The following NLK variants were observed in gnomAD, a reference collection of about 807,000 sequenced individuals.
NLK encodes the protein serine/threonine-protein kinase NLK.
In NLK, 11 loss-of-function variants were observed where a neutral mutation model predicts 59.0. The ratio of observed to expected loss-of-function variants is 0.19; its 90% CI spans 0.12 to 0.31. The LOEUF is 0.31. Ranked by LOEUF, NLK falls within the 10% of genes least tolerant of loss-of-function variation. The pLI, the probability that NLK is intolerant of heterozygous loss-of-function variation, is 1.00. For missense variants in NLK, 410 were observed against 661.1 expected, an observed-to-expected ratio of 0.62 and a Z score of 4.16; for synonymous variants, 235 against 235.9, an observed-to-expected ratio of 1.00 and a Z score of 0.03.
At chr17:28,178,444 A>G (rs561828238) in intron 7 of NLK, among the ~76,000 whole-genome samples, 1 of 152,292 alleles carries the variant, frequency 6.6e-6, no homozygotes, top group East Asian at 1.9e-4. Context: ...CTTTTCTACA[A>G]CTCAAAATCT....
At chr17:28,132,365 C>G (rs1053038273) in intron 2 of NLK, among the ~76,000 whole-genome samples, 1 of 152,158 alleles carries the variant, frequency 6.6e-6, no homozygotes, top group Non-Finnish European at 1.5e-5. Context: ...CAAAAACTCT[C>G]TCCTGTGCAG....
chr17:28,194,519 G>A, intron 10 of NLK, 63 bp from the exon 11 acceptor site: 1 of 1,187,758 alleles, frequency 8.4e-7, no homozygotes, highest in South Asian at 1.4e-5. Flanking sequence ...ACAGGAAGTA[G>A]TGAATTACCC....
intron 7 of NLK, 90 bp downstream of exon 7, chr17:28,172,708 A>C (rs1474060495): frequency 9.6e-6 from 6 of 623,812 alleles, no homozygotes; most frequent in Non-Finnish European, 1.5e-5. Context: ...ATTTTTAAGC[A>C]AATGTATTAT....
At chr17:28,091,622 A>G (rs1243022900) in intron 1 of NLK, among the ~76,000 whole-genome samples, 2 of 152,164 alleles carry the variant, frequency 1.3e-5, no homozygotes, top group Admixed American at 6.6e-5. Context: ...CTACCAAATA[A>G]AAGTTATTCC....
intron 2 of NLK, among the ~76,000 whole-genome samples, chr17:28,125,919 G>A (rs1451785947): frequency 6.6e-6 from 1 of 152,160 alleles, no homozygotes; most frequent in Admixed American, 6.5e-5. Flanking sequence ...GATAGGGCTT[G>A]TTAACCTTAC....
At chr17:28,062,283 G>A (rs1909688620) in intron 1 of NLK, among the ~76,000 whole-genome samples, 1 of 152,090 alleles carries the variant, frequency 6.6e-6, no homozygotes, top group African/African-American at 2.4e-5. Flanking sequence ...GATCAAAAGA[G>A]TTCTGTGTCT....
intron 3 of NLK, among the ~76,000 whole-genome samples, chr17:28,137,708 T>A (rs1906815630): frequency 6.6e-6 from 1 of 152,076 alleles, no homozygotes; most frequent in African/African-American, 2.4e-5. Context: ...CACCAAAAAT[T>A]TAGTGTGGGT....
chr17:28,133,268 T>A (rs763120245), intron 3 of NLK, among the ~76,000 whole-genome samples: 1 of 152,174 alleles, frequency 6.6e-6, no homozygotes, highest in Non-Finnish European at 1.5e-5. Context: ...ATTATTCCCA[T>A]GTTACAGAAG....
At chr17:28,189,674 G>A (rs1196004684) in intron 8 of NLK, among the ~76,000 whole-genome samples, 1 of 152,156 alleles carries the variant, frequency 6.6e-6, no homozygotes, top group African/African-American at 2.4e-5. Context: ...TGTTCCTTTG[G>A]GTTCAAACAG....
intron 4 of NLK, among the ~76,000 whole-genome samples, chr17:28,162,806 C>T (rs954010700): frequency 6.6e-6 from 1 of 152,048 alleles, no homozygotes; most frequent in African/African-American, 2.4e-5. Flanking sequence ...GTAGTTCCCA[C>T]TTCTCAGGAG....
intron 1 of NLK, among the ~76,000 whole-genome samples, chr17:28,113,196 G>A (rs761798111): frequency 2.0e-5 from 3 of 151,962 alleles, no homozygotes; most frequent in Non-Finnish European, 4.4e-5. Context: ...ATAACTCAAT[G>A]GTGTATCACA....
At position 28,098,057 on chromosome 17, in the gene NLK, T is replaced by C. The variant is rs11080050; in HGVS notation, c.459-24546T>C. 1.8e-4 allele frequency among the ~76,000 whole-genome samples: 28 copies of C among 152,306 alleles called. No individual in the cohort carries two copies. The East Asian group carries it at 5.4e-3, about 29-fold the overall frequency. On this transcript the variant is annotated intron_variant, in intron 1 of 10. Transcript: ENST00000407008. ...GATTAATCTTCCTTAGAACTACAAA[T>C]AACCAGATCCAGCACTGTGCCCTTT...
chr17:28,094,977 CAA>C (rs1259626166), intron 1 of NLK, among the ~76,000 whole-genome samples: 1 of 152,114 alleles, frequency 6.6e-6, no homozygotes, highest in Non-Finnish European at 1.5e-5. Context: ...CTTCTTTAAC[CAA>C]AGAGGAAAGG....
chr17:28,105,060 A>G (rs1407280207), intron 1 of NLK, among the ~76,000 whole-genome samples: 1 of 152,166 alleles, frequency 6.6e-6, no homozygotes, highest in Non-Finnish European at 1.5e-5. Flanking sequence ...TTTCTGTTAG[A>G]TGTTCAATTC....
chr17:28,093,353 C>G (rs1215771906), intron 1 of NLK, among the ~76,000 whole-genome samples: 1 of 152,134 alleles, frequency 6.6e-6, no homozygotes, highest in Non-Finnish European at 1.5e-5. Context: ...GTAGGCTGAT[C>G]TATATATAAT....
intron 10 of NLK, 102 bp downstream of exon 10, chr17:28,192,315 A>C (rs1909334084): frequency 5.9e-6 from 4 of 673,136 alleles, no homozygotes; most frequent in Non-Finnish European, 1.0e-5. Context: ...AACATAGATA[A>C]AAGGTGCAAC....
intron 1 of NLK, among the ~76,000 whole-genome samples, chr17:28,065,175 A>G (rs1033040339): frequency 6.6e-5 from 10 of 152,212 alleles, no homozygotes; most frequent in Non-Finnish European, 1.2e-4. Flanking sequence ...TGGGATACCA[A>G]GGGCCTCAGT....
In NLK at chr17:28,172,697, G is replaced by A. The variant is rs370842742; in HGVS notation, c.1149+79G>A. 2.0e-5 allele frequency: 14 copies of A among 709,754 alleles called. No individual in the cohort carries two copies. The African/African-American group carries it at 2.1e-4, about 10-fold the overall frequency. The allele number at this position is 709,754 out of a possible 1,614,324, so 44.0% of individuals were successfully genotyped here. A position where few individuals can be genotyped will look rare whatever the true frequency, so the allele number is the denominator to read the frequency against. ...CCTTCCAATAGAGTAATCTATTAAG[G>A]ATTTTTAAGCAAATGTATTATCTGT... is the stretch of plus-strand genomic sequence containing the variant. On this transcript the variant is annotated intron_variant, in intron 7 of 10. Transcript: ENST00000407008.
chr17:28,156,632 G>A (rs1239974462), intron 3 of NLK, among the ~76,000 whole-genome samples: 2 of 152,152 alleles, frequency 1.3e-5, no homozygotes, highest in African/African-American at 4.8e-5. Context: ...GATCCACGTT[G>A]TGTGTTTAGT....
Sources: allele counts gnomAD v4.1 joint callset (sites outside exome capture counted in the v4.1 genomes callset), GRCh38; gene constraint gnomAD v4.1.1; transcripts MANE v1.5; gene names NCBI Gene and HGNC (gene_info 2026-07-23, HGNC 2026-07-21).